ACTR3B: variants seen among roughly 807,000 people sequenced by gnomAD.
The protein encoded by ACTR3B is actin related protein 3B.
In ACTR3B, 8 loss-of-function variants were observed where a neutral mutation model predicts 59.0. The ratio of observed to expected loss-of-function variants is 0.14; its 90% CI spans 0.08 to 0.24. The LOEUF (loss-of-function observed/expected upper bound fraction) is 0.24. ACTR3B is among the 10% of genes least tolerant of loss of function. ACTR3B has a pLI of 1.00. For synonymous variants in ACTR3B, 148 were observed against 197.9 expected (o/e 0.75, Z 2.12); for missense variants, 245 against 552.3 (o/e 0.44, Z 5.58).
At chr7:152,833,130 TGA>T (rs1204261034) in intron 9 of ACTR3B, among the ~76,000 whole-genome samples, 1 of 152,186 alleles carries the variant, frequency 6.6e-6, no homozygotes, top group Admixed American at 6.5e-5. Flanking sequence ...AGCAGCCTTG[TGA>T]GAGAAGCTGG....
At chr7:152,766,511 A>G (rs1400482659) in intron 1 of ACTR3B, among the ~76,000 whole-genome samples, 2 of 152,204 alleles carry the variant, frequency 1.3e-5, no homozygotes, top group East Asian at 3.9e-4. Context: ...CCAAGATCCT[A>G]GATACCAATT....
rs547811294 is a variant in ACTR3B at position 152,821,309 on chromosome 7, C to T, written c.684+867C>T. Among the ~76,000 whole-genome samples the T allele has an allele frequency of 5.7e-3, 861 of 152,166 alleles. 2 individuals are homozygous for T. The highest frequency in any genetic ancestry group is 9.2e-3 in the Non-Finnish European group (625 of 67,988). The stretch of plus-strand genomic sequence containing the variant: ...GACTATTTGATCCAAGCTCCCTTGC[C>T]ACTCCAAATCTGTTAGAAATGTAAG... On this transcript the variant is annotated intron_variant, in intron 7 of 11. Transcript: ENST00000256001.
At chr7:152,842,012 G>A (rs1184657883) in intron 9 of ACTR3B, among the ~76,000 whole-genome samples, 2 of 152,148 alleles carry the variant, frequency 1.3e-5, no homozygotes, top group African/African-American at 2.4e-5. Context: ...GGGAACCATC[G>A]CTGGCAGAAG....
intron 4 of ACTR3B, among the ~76,000 whole-genome samples, chr7:152,807,511 G>A (rs1035507324): frequency 6.6e-6 from 1 of 151,942 alleles, no homozygotes; most frequent in Non-Finnish European, 1.5e-5. Flanking sequence ...TGTATTTCGA[G>A]TCTTTTTTAC....
In ACTR3B at chr7:152,855,154, C is replaced by T. The variant is rs1375490291; in HGVS notation, c.*601C>T. ...CAAATAAAACAGCAAACTTTTTTGC[C>T]ACATGTTTGCTAGAAAATGATTATA... On this transcript the variant is annotated 3_prime_UTR_variant, in exon 12 of 12. Coordinates refer to ENST00000256001, the MANE Select transcript of ACTR3B (RefSeq NM_020445.6). 1.3e-5 allele frequency: 2 copies of T among 152,572 alleles called. No homozygotes were observed. Among genetic ancestry groups the T allele is most frequent in the East Asian group, 3.8e-4 (2 of 5,202 alleles). 9.5% of individuals were successfully genotyped at this position (152,572 alleles called of 1,614,324 possible). A position where few individuals can be genotyped will look rare whatever the true frequency, so the allele number is the denominator to read the frequency against.
chr7:152,817,639 C>A (rs896830383), intron 6 of ACTR3B, among the ~76,000 whole-genome samples: 126 of 152,136 alleles, frequency 8.3e-4, no homozygotes, highest in African/African-American at 2.9e-3. Flanking sequence ...CCTTTGAGGT[C>A]TCCTCCTCAG....
At chr7:152,769,920 C>T (rs1333531627) in intron 1 of ACTR3B, among the ~76,000 whole-genome samples, 1 of 149,820 alleles carries the variant, frequency 6.7e-6, no homozygotes, top group African/African-American at 2.4e-5. Context: ...TATTAGTAGT[C>T]AACAAATTTA....
At chr7:152,845,495 A>G (rs1430307534) in intron 9 of ACTR3B, among the ~76,000 whole-genome samples, 1 of 152,228 alleles carries the variant, frequency 6.6e-6, no homozygotes, top group African/African-American at 2.4e-5. Context: ...AAGGAGCTCT[A>G]TTCCGTGCTG....
intron 9 of ACTR3B, among the ~76,000 whole-genome samples, chr7:152,826,599 C>G (rs1796594012): frequency 6.6e-6 from 1 of 152,196 alleles, no homozygotes; most frequent in Non-Finnish European, 1.5e-5. Context: ...CCACTTCAAT[C>G]CCACCTGACA....
chr7:152,809,576 C>T (rs1202847783), intron 4 of ACTR3B, among the ~76,000 whole-genome samples: 5 of 150,572 alleles, frequency 3.3e-5, no homozygotes, highest in East Asian at 1.9e-4. Flanking sequence ...GAGTCTTGCT[C>T]TGTAGCCCAG....
chr7:152,836,457 C>T (rs938969477), intron 9 of ACTR3B, among the ~76,000 whole-genome samples: 1 of 151,980 alleles, frequency 6.6e-6, no homozygotes, highest in Admixed American at 6.5e-5. Context: ...TGTGGTGGAA[C>T]GCACCTGTGG....
At chr7:152,786,482 G>A (rs111967865) in intron 2 of ACTR3B, 1,873 of 168,030 alleles carry the variant, frequency 0.011, 28 homozygotes, top group East Asian at 0.033. Context: ...GAACCCAGGA[G>A]GTGGAGGTTG....
chr7:152,784,724 G>A (rs1290052288), intron 2 of ACTR3B, among the ~76,000 whole-genome samples: 2 of 152,156 alleles, frequency 1.3e-5, no homozygotes, highest in Non-Finnish European at 2.9e-5. Flanking sequence ...CCTGCAGAGG[G>A]CTGCCTTCTC....
At chr7:152,795,533 A>G (rs1233028479) in intron 2 of ACTR3B, among the ~76,000 whole-genome samples, 1 of 152,240 alleles carries the variant, frequency 6.6e-6, no homozygotes, top group Admixed American at 6.5e-5. Context: ...TTACCTTGAA[A>G]ACTTTTCATT....
intron 4 of ACTR3B, chr7:152,814,281 G>C: frequency 2.6e-6 from 1 of 380,810 alleles, no homozygotes; most frequent in Non-Finnish European, 4.7e-6. Flanking sequence ...TTACGTTATT[G>C]AAGATAAGAG....
At chr7:152,775,917 A>G (rs182496093) in intron 1 of ACTR3B, among the ~76,000 whole-genome samples, 15 of 152,324 alleles carry the variant, frequency 9.8e-5, no homozygotes, top group Admixed American at 9.8e-4. Flanking sequence ...ATTTTGAGCT[A>G]TAACATATTC....
intron 6 of ACTR3B, among the ~76,000 whole-genome samples, chr7:152,817,359 A>C (rs1474650201): frequency 1.3e-5 from 2 of 152,060 alleles, no homozygotes; most frequent in African/African-American, 4.8e-5. Flanking sequence ...CCAGCTGGGC[A>C]ACAAGAGCGA....
chr7:152,833,659 T>TA lies in ACTR3B; in HGVS notation c.951+8539dup, dbSNP rs199536053. 2.5e-3 allele frequency among the ~76,000 whole-genome samples: 375 copies of TA among 152,356 alleles called. 8 individuals are homozygous for TA. Among genetic ancestry groups the TA allele is most frequent in the Admixed American group, 0.022 (340 of 15,310 alleles). On this transcript the variant is annotated intron_variant, in intron 9 of 11. Coordinates refer to ENST00000256001, the MANE Select transcript of ACTR3B (RefSeq NM_020445.6). ...CAGGAATGAAAATTTTTGTTATTTT[T>TA]AATACCGCATTTGATATTAAGCACT...
intron 1 of ACTR3B, among the ~76,000 whole-genome samples, chr7:152,779,904 T>G (rs1371670934): frequency 1.3e-5 from 2 of 152,228 alleles, no homozygotes; most frequent in Non-Finnish European, 2.9e-5. Flanking sequence ...TTCAAGTGCA[T>G]TTGATACTAT....
Sources: gnomAD v4.1 joint callset for allele counts (sites outside exome capture counted in the v4.1 genomes callset) on GRCh38, gnomAD v4.1.1 for gene constraint, MANE v1.5 for transcripts, NCBI Gene and HGNC (gene_info 2026-07-23, HGNC 2026-07-21) for gene names.